Variants in GTF2H4 observed in about 807,000 individuals in gnomAD.
The protein encoded by GTF2H4 is general transcription factor IIH subunit 4.
A neutral mutation model predicts 62.2 loss-of-function variants in GTF2H4; 49 were observed. That is an observed-to-expected ratio of 0.79 (90% CI 0.63 to 1.00). The LOEUF (loss-of-function observed/expected upper bound fraction) is 1.00, where lower values mean the gene tolerates loss of function less well. Ranked by LOEUF, GTF2H4 falls within the 50% of genes least tolerant of loss-of-function variation. GTF2H4 has a pLI of 0.00. For missense variants in GTF2H4, 479 were observed against 587.8 expected (o/e 0.81, Z 1.91); for synonymous variants, 189 against 233.8 (o/e 0.81, Z 1.75).
rs780661167 is a variant in GTF2H4 at position 30,913,760 on chromosome 6, GCTTCACTTTCTCGT to G, written c.1217-46_1217-33del. On this transcript the variant is annotated intron_variant, in intron 13 of 13. Transcript: ENST00000259895. This position sits in a 1 kb window ranked among gnomAD's most constrained non-coding sequence, Gnocchi z 4.2. ...GGGGGATTCCCAATAGGAGCTCCGA[GCTTCACTTTCTCGT>G]CTTCTCCCCGCGCCCCTCCCGTCCT... 6.8e-7 allele frequency: 1 copy of G among 1,473,822 alleles called. No individual in the cohort carries two copies. The highest frequency in any genetic ancestry group is 9.1e-7 in the Non-Finnish European group (1 of 1,103,924). The allele number at this position is 1,473,822 out of a possible 1,614,324, so 91.3% of individuals were successfully genotyped here. A position where few individuals can be genotyped will look rare whatever the true frequency, so the allele number is the denominator to read the frequency against.
Position 30,911,629 on chromosome 6 carries a change from G to A in GTF2H4, c.742-55G>A. ...GAGAAAGAAAGAATGAATGTATGGG[G>A]TTGGGGGTGGGTGGGTTGTGTTTTG... On this transcript the variant is annotated intron_variant, in intron 8 of 13. Transcript: ENST00000259895. This position sits in a 1 kb window ranked among gnomAD's most constrained non-coding sequence, Gnocchi z 4.3. 1 of 1,204,872 alleles carries A rather than the reference G, an allele frequency of 8.3e-7. No homozygotes were observed. The highest frequency in any genetic ancestry group is 1.2e-5 in the South Asian group (1 of 82,686). The allele number at this position is 1,204,872 out of a possible 1,614,324, so 74.6% of individuals were successfully genotyped here.
At position 30,909,195 on chromosome 6, in the gene GTF2H4, G is replaced by C. The variant is rs1379469763; in HGVS notation, c.137+22G>C. On this transcript the variant is annotated intron_variant, in intron 2 of 13. Coordinates refer to ENST00000259895, the MANE Select transcript of GTF2H4 (RefSeq NM_001517.5). This position sits in a 1 kb window ranked among gnomAD's most constrained non-coding sequence, Gnocchi z 4.3. Reference sequence around the variant, plus strand: ...TCAGGTGAGAAGCCCCTTCATGGCAGGGAAATGTAATGGGGTCTGCGGAGT... The same window carrying C: ...TCAGGTGAGAAGCCCCTTCATGGCACGGAAATGTAATGGGGTCTGCGGAGT... The C allele has an allele frequency of 6.2e-7, 1 of 1,607,698 alleles. No individual in the cohort carries two copies. The highest frequency in any genetic ancestry group is 8.5e-7 in the Non-Finnish European group (1 of 1,176,338).
Position 30,910,148 on chromosome 6 carries a change from C to T in GTF2H4, c.374+85C>T, listed in dbSNP as rs1793703774. 6.8e-7 allele frequency: 1 copy of T among 1,469,016 alleles called. No individual in the cohort carries two copies. Among genetic ancestry groups the T allele is most frequent in the South Asian group, 1.2e-5 (1 of 80,576 alleles). The allele number at this position is 1,469,016 out of a possible 1,614,324, so 91.0% of individuals were successfully genotyped here. A position where few individuals can be genotyped will look rare whatever the true frequency, so the allele number is the denominator to read the frequency against. Reference sequence around the variant, plus strand: ...TAATTAAACTTTGGGAGGGGGAGCTCCTGGGGGCCTCCCCAGAACCTTGTG... The same window carrying T: ...TAATTAAACTTTGGGAGGGGGAGCTTCTGGGGGCCTCCCCAGAACCTTGTG... On this transcript the variant is annotated intron_variant, in intron 4 of 13. Transcript: ENST00000259895. The surrounding 1 kb of genome is among the most constrained non-coding windows in gnomAD (Gnocchi z 4.7).
chr6:30,909,312 C>A lies in GTF2H4; in HGVS notation c.138-123C>A. ...GGAAATTGCTCTAAAGTGTGGAGGC[C>A]AAAACAGCAGGACTGGTAAAGTTGT... On this transcript the variant is annotated intron_variant, in intron 2 of 13. Coordinates refer to ENST00000259895, the MANE Select transcript of GTF2H4 (RefSeq NM_001517.5). The surrounding 1 kb of genome is among the most constrained non-coding windows in gnomAD (Gnocchi z 4.3). 8.0e-7 allele frequency: 1 copy of A among 1,242,458 alleles called. No individual in the cohort carries two copies. The highest frequency in any genetic ancestry group is 1.1e-6 in the Non-Finnish European group (1 of 885,476). The allele number at this position is 1,242,458 out of a possible 1,614,324, so 77.0% of individuals were successfully genotyped here.
At position 30,909,502 on chromosome 6, in the gene GTF2H4, G is replaced by C. The variant is rs1425900916; in HGVS notation, c.205G>C (p.Ala69Pro). ...MLFLEQPLPQ[A>P]AVALWVKKEF... Reference sequence around the variant, plus strand: ...CTTTCTGGAGCAGCCTTTGCCACAGGCTGCTGTAGCTCTGTGGGTAAAGAA... The same window carrying C: ...CTTTCTGGAGCAGCCTTTGCCACAGCCTGCTGTAGCTCTGTGGGTAAAGAA... Residue 69 changes from alanine to proline, a missense_variant, in exon 3 of 14, where the codon GCT becomes CCT. Physicochemically the swap from Ala to Pro is conservative, Grantham distance 27. Coordinates refer to ENST00000259895, the MANE Select transcript of GTF2H4 (RefSeq NM_001517.5). This position sits in a 1 kb window ranked among gnomAD's most constrained non-coding sequence, Gnocchi z 4.3. The C allele has an allele frequency of 6.2e-7, 1 of 1,611,898 alleles. No homozygotes were observed.
At position 30,912,221 on chromosome 6, in the gene GTF2H4, G is replaced by A; in HGVS notation, c.958+75G>A. 1 of 1,602,900 alleles carries A rather than the reference G, an allele frequency of 6.2e-7. No homozygotes were observed. The highest frequency in any genetic ancestry group is 8.5e-7 in the Non-Finnish European group (1 of 1,173,556). On this transcript the variant is annotated intron_variant, in intron 10 of 13. Transcript: ENST00000259895. The surrounding 1 kb of genome is among the most constrained non-coding windows in gnomAD (Gnocchi z 4.8). ...TGCCAGTTTATGTTCGTGTTTACCTGGCAGTCTACAGAGCTCTCTGACATT... is the reference window on the plus strand; with the variant it reads ...TGCCAGTTTATGTTCGTGTTTACCTAGCAGTCTACAGAGCTCTCTGACATT...
rs2150534151 is a variant in GTF2H4, at chr6:30,909,179, A to G, written c.137+6A>G. The G allele has an allele frequency of 1.2e-6, 2 of 1,611,224 alleles. No homozygotes were observed. Among genetic ancestry groups the G allele is most frequent in the African/African-American group, 1.3e-5 (1 of 74,974 alleles). ...ACATGTCTGGCTGTCTTCAGGTGAG[A>G]AGCCCCTTCATGGCAGGGAAATGTA... On this transcript the variant is annotated splice_donor_region_variant and intron_variant, in intron 2 of 13. Transcript: ENST00000259895. This position sits in a 1 kb window ranked among gnomAD's most constrained non-coding sequence, Gnocchi z 4.3.
rs1331233894 is a variant in GTF2H4, at chr6:30,910,555, T to C, written c.375-110T>C. ...CATGTTGGCCAGGCTGGTCTTGAAC[T>C]CCTGACCTCAAGTGATCCGCCCATC... is the stretch of plus-strand genomic sequence containing the variant. On this transcript the variant is annotated intron_variant, in intron 4 of 13. Transcript: ENST00000259895. This position sits in a 1 kb window ranked among gnomAD's most constrained non-coding sequence, Gnocchi z 4.7. 1.3e-6 allele frequency: 1 copy of C among 790,706 alleles called. No individual in the cohort carries two copies. The highest frequency in any genetic ancestry group is 2.2e-6 in the Non-Finnish European group (1 of 450,570). The allele number at this position is 790,706 out of a possible 1,614,324, so 49.0% of individuals were successfully genotyped here. A position where few individuals can be genotyped will look rare whatever the true frequency, so the allele number is the denominator to read the frequency against.
rs989229048 is a variant in GTF2H4, at chr6:30,912,615, T to G, written c.1089+157T>G. On this transcript the variant is annotated intron_variant, in intron 11 of 13. Coordinates refer to ENST00000259895, the MANE Select transcript of GTF2H4 (RefSeq NM_001517.5). The surrounding 1 kb of genome is among the most constrained non-coding windows in gnomAD (Gnocchi z 4.8). ...GAAATGAAGGCTTTGGGTGTGAGAA[T>G]AGGTAGACCCTTGAGGGGAAAAAAA... Among the ~76,000 whole-genome samples the G allele has an allele frequency of 6.6e-6, 1 of 152,114 alleles. No homozygotes were observed. The highest frequency in any genetic ancestry group is 1.5e-5 in the Non-Finnish European group (1 of 68,010).
chr6:30,910,694 A>G lies in GTF2H4; in HGVS notation c.404A>G (p.Gln135Arg), dbSNP rs1223281284. Residue 135 changes from glutamine (Q) to arginine (R), a missense_variant, in exon 5 of 14, where the codon CAG becomes CGG. Coordinates refer to ENST00000259895, the MANE Select transcript of GTF2H4 (RefSeq NM_001517.5). The surrounding 1 kb of genome is among the most constrained non-coding windows in gnomAD (Gnocchi z 4.7). ...AAGGCCTGGTCTGATGACACAAGTC[A>G]GCTGGGACCAGACAAGCATGCCCGG... Reference protein sequence around the residue: ...GGKAWSDDTSQLGPDKHARDV... With the variant: ...GGKAWSDDTSRLGPDKHARDV... 1 of 1,612,918 alleles carries G rather than the reference A, an allele frequency of 6.2e-7. No individual in the cohort carries two copies. The highest frequency in any genetic ancestry group is 1.3e-5 in the African/African-American group (1 of 74,936).
chr6:30,908,988 C>G, intron 1 of GTF2H4, 46 bp from the exon 2 acceptor site: 1 of 1,610,886 alleles, frequency 6.2e-7, no homozygotes, highest in Non-Finnish European at 8.5e-7. Flanking sequence ...AGGGGTGACA[C>G]TGGCATGGAT....
In GTF2H4 at chr6:30,909,621, A is replaced by G. The variant is rs1793684341; in HGVS notation, c.242+82A>G. The G allele has an allele frequency of 1.2e-6, 1 of 833,606 alleles. No individual in the cohort carries two copies. Among genetic ancestry groups the G allele is most frequent in the South Asian group, 1.5e-5 (1 of 67,888 alleles). The allele number at this position is 833,606 out of a possible 1,614,324, so 51.6% of individuals were successfully genotyped here. A position where few individuals can be genotyped will look rare whatever the true frequency, so the allele number is the denominator to read the frequency against. On this transcript the variant is annotated intron_variant, in intron 3 of 13. Transcript: ENST00000259895. The surrounding 1 kb of genome is among the most constrained non-coding windows in gnomAD (Gnocchi z 4.3). ...CTTGGAGCACTTCCAGGAAGTGTTAATAGATATATCACAAAACTTAAAAAT... is the reference window on the plus strand; with the variant it reads ...CTTGGAGCACTTCCAGGAAGTGTTAGTAGATATATCACAAAACTTAAAAAT...
chr6:30,910,652 A>C lies in GTF2H4; in HGVS notation c.375-13A>C, dbSNP rs762640534. On this transcript the variant is annotated splice_polypyrimidine_tract_variant and intron_variant, in intron 4 of 13. Coordinates refer to ENST00000259895, the MANE Select transcript of GTF2H4 (RefSeq NM_001517.5). The surrounding 1 kb of genome is among the most constrained non-coding windows in gnomAD (Gnocchi z 4.7). ...GGCCAGGGTTCCTTACTCTTGGCCC[A>C]TCCTGGCCGTAGGGGGAAGGCCTGG... The C allele has an allele frequency of 1.1e-4, 176 of 1,606,918 alleles. No individual in the cohort carries two copies. The highest frequency in any genetic ancestry group is 1.5e-4 in the Non-Finnish European group (172 of 1,174,664).
Position 30,911,077 on chromosome 6 carries a change from C to T in GTF2H4, c.561-81C>T. 7.4e-7 allele frequency: 1 copy of T among 1,355,208 alleles called. No individual in the cohort carries two copies. The highest frequency in any genetic ancestry group is 2.3e-5 in the East Asian group (1 of 43,578). 83.9% of individuals were successfully genotyped at this position (1,355,208 alleles called of 1,614,324 possible). ...CTGAGTAGAATATAGCCAGAGATACCAAGAAAAAACGTGAGTGGACAAGTG... is the reference window on the plus strand; with the variant it reads ...CTGAGTAGAATATAGCCAGAGATACTAAGAAAAAACGTGAGTGGACAAGTG... On this transcript the variant is annotated intron_variant, in intron 6 of 13. Transcript: ENST00000259895. This position sits in a 1 kb window ranked among gnomAD's most constrained non-coding sequence, Gnocchi z 4.3.
At position 30,911,694 on chromosome 6, in the gene GTF2H4, T is replaced by G; in HGVS notation, c.752T>G (p.Val251Gly). 6.2e-7 allele frequency: 1 copy of G among 1,611,904 alleles called. No homozygotes were observed. Among genetic ancestry groups the G allele is most frequent in the Non-Finnish European group, 8.5e-7 (1 of 1,178,960 alleles). Residue 251 changes from valine (V) to glycine (G), a missense_variant, in exon 9 of 14, where the codon GTG becomes GGG. Transcript: ENST00000259895. The surrounding 1 kb of genome is among the most constrained non-coding windows in gnomAD (Gnocchi z 4.3). ...SFSTLGKDYS[V>G]EGMSDSLLNF... The stretch of plus-strand genomic sequence containing the variant: ...ACCTCTGTTCCTCAGGATTACTCTG[T>G]GGAAGGTATGAGTGATTCTCTGTTG...
rs1793695407 is a variant in GTF2H4, at chr6:30,909,949, C to T, written c.260C>T (p.Thr87Ile). ...KEFSKAQEES[T>I]GLLSGLRIWH... is the part of the protein sequence containing the mutation. ...TGTTCCAGGGCTCAGGAGGAAAGTA[C>T]AGGGCTGCTGAGCGGCCTCCGGATC... Residue 87 changes from threonine to isoleucine, a missense_variant, in exon 4 of 14, where the codon ACA becomes ATA. Coordinates refer to ENST00000259895, the MANE Select transcript of GTF2H4 (RefSeq NM_001517.5). The surrounding 1 kb of genome is among the most constrained non-coding windows in gnomAD (Gnocchi z 4.3). The T allele has an allele frequency of 1.9e-6, 3 of 1,612,752 alleles. 1 individual carries two copies. The highest frequency in any genetic ancestry group is 2.2e-5 in the South Asian group (2 of 91,068).
intron 1 of GTF2H4, 105 bp from the exon 2 acceptor site, chr6:30,908,929 G>T: frequency 7.9e-7 from 1 of 1,265,506 alleles, no homozygotes. Context: ...CCACAGAAAA[G>T]GTGGGGTTAT....
At position 30,912,282 on chromosome 6, in the gene GTF2H4, T is replaced by C. The variant is rs369053368; in HGVS notation, c.959-46T>C. 6.2e-6 allele frequency: 10 copies of C among 1,609,840 alleles called. No individual in the cohort carries two copies. The African/African-American group carries it at 1.3e-4, about 22-fold the overall frequency. ...CTTGAAAGAAGGGCTTGAGGGAGTCTGGGTGTGGGGGTGGCCTCCTCATCC... is the reference window on the plus strand; with the variant it reads ...CTTGAAAGAAGGGCTTGAGGGAGTCCGGGTGTGGGGGTGGCCTCCTCATCC... On this transcript the variant is annotated intron_variant, in intron 10 of 13. Transcript: ENST00000259895. The surrounding 1 kb of genome is among the most constrained non-coding windows in gnomAD (Gnocchi z 4.8).
rs370901099 is a variant in GTF2H4, at chr6:30,910,914, T to C, written c.533T>C (p.Leu178Pro). The change falls in exon 6 of 14, where the codon CTC becomes CCC. Residue 178 changes from leucine to proline, a missense_variant. Coordinates refer to ENST00000259895, the MANE Select transcript of GTF2H4 (RefSeq NM_001517.5). The surrounding 1 kb of genome is among the most constrained non-coding windows in gnomAD (Gnocchi z 4.7). ...GCTGTCAGCCAGGACTTGGCTCAGC[T>C]CCTCAGCCAGGCTGGGCTCATGAAG... is the stretch of plus-strand genomic sequence containing the variant. ...SAAVSQDLAQLLSQAGLMKST... is the reference protein window; with the variant it reads ...SAAVSQDLAQPLSQAGLMKST... 3 of 1,610,558 alleles carry C rather than the reference T, an allele frequency of 1.9e-6. No individual in the cohort carries two copies. Among genetic ancestry groups the C allele is most frequent in the Non-Finnish European group, 2.5e-6 (3 of 1,178,992 alleles).
Sources: allele counts gnomAD v4.1 joint callset (sites outside exome capture counted in the v4.1 genomes callset), GRCh38; gene constraint gnomAD v4.1.1; non-coding constraint Gnocchi (gnomAD v3.1); transcripts MANE v1.5; gene names NCBI Gene and HGNC (gene_info 2026-07-23, HGNC 2026-07-21).